The following ALOX5AP variants were observed in gnomAD, a reference collection of about 807,000 sequenced individuals.
The protein encoded by ALOX5AP is arachidonate 5-lipoxygenase activating protein.
In ALOX5AP, 9 loss-of-function variants were observed where a neutral mutation model predicts 18.5. The observed-to-expected ratio is 0.49, with a 90% confidence interval of 0.29 to 0.85. ALOX5AP has a LOEUF of 0.85. Among genes scored for constraint, ALOX5AP ranks in the 40% least tolerant of loss-of-function variants. The pLI, the probability that ALOX5AP is intolerant of heterozygous loss-of-function variation, is 0.08. For synonymous variants in ALOX5AP, 81 were observed against 78.6 expected, an observed-to-expected ratio of 1.03 and a Z score of -0.16; for missense variants, 172 against 202.5, an observed-to-expected ratio of 0.85 and a Z score of 0.91.
intron 3 of ALOX5AP, among the ~76,000 whole-genome samples, chr13:30,753,805 T>A (rs1277522288): frequency 3.9e-5 from 6 of 152,168 alleles, no homozygotes; most frequent in African/African-American, 1.4e-4. Context: ...CCACCCATAA[T>A]CTCTGTTAGC....
At chr13:30,718,484 C>T (rs1022941053) in intron 1 of ALOX5AP, among the ~76,000 whole-genome samples, 1 of 151,628 alleles carries the variant, frequency 6.6e-6, no homozygotes, top group African/African-American at 2.4e-5. Flanking sequence ...CCCACCCTTG[C>T]CCCCTTCCTC....
intron 4 of ALOX5AP, among the ~76,000 whole-genome samples, chr13:30,763,046 G>C (rs1336290487): frequency 2.0e-5 from 3 of 152,170 alleles, no homozygotes; most frequent in Non-Finnish European, 4.4e-5. Context: ...GGTGGTTTAC[G>C]CCTATAATCC....
Position 30,764,136 on chromosome 13 carries a change from C to T in ALOX5AP, c.*30C>T, listed in dbSNP as rs1354539327. ...CTGCTGAATATGGGGTTGGTGTTCTCATCTAATCAATACCTACAAGTCATC... is the reference window on the plus strand; with the variant it reads ...CTGCTGAATATGGGGTTGGTGTTCTTATCTAATCAATACCTACAAGTCATC... On this transcript the variant is annotated 3_prime_UTR_variant, in exon 5 of 5. Transcript: ENST00000380490. The T allele has an allele frequency of 1.9e-6, 3 of 1,602,862 alleles. No individual in the cohort carries two copies. Among genetic ancestry groups the T allele is most frequent in the Non-Finnish European group, 2.6e-6 (3 of 1,172,662 alleles).
chr13:30,732,952 G>A (rs1287640941), upstream of ALOX5AP, among the ~76,000 whole-genome samples: 1 of 151,940 alleles, frequency 6.6e-6, no homozygotes, highest in African/African-American at 2.4e-5. Context: ...TCAGGAGATC[G>A]AGACCATCCC....
chr13:30,719,035 C>T (rs1246598848), intron 1 of ALOX5AP, among the ~76,000 whole-genome samples: 1 of 152,210 alleles, frequency 6.6e-6, no homozygotes, highest in Non-Finnish European at 1.5e-5. Flanking sequence ...CAGCGCAGTG[C>T]AGGCTGTGGT....
intron 1 of ALOX5AP, among the ~76,000 whole-genome samples, chr13:30,718,249 G>A (rs1319949866): frequency 2.6e-5 from 4 of 151,930 alleles, no homozygotes; most frequent in African/African-American, 9.7e-5. Context: ...GTGAGCCACT[G>A]CATCTGGCCA....
chr13:30,727,602 T>C (rs1392340026), intron 1 of ALOX5AP, among the ~76,000 whole-genome samples: 1 of 152,146 alleles, frequency 6.6e-6, no homozygotes, highest in Admixed American at 6.6e-5. Flanking sequence ...TGTGGCTCTG[T>C]CTCACATTGT....
At chr13:30,763,022 T>C (rs960851593) in intron 4 of ALOX5AP, among the ~76,000 whole-genome samples, 1 of 152,052 alleles carries the variant, frequency 6.6e-6, no homozygotes, top group African/African-American at 2.4e-5. Flanking sequence ...TTAAAACATG[T>C]CTCCGCTAGG....
chr13:30,739,084 A>AC (rs1355067444), intron 1 of ALOX5AP, among the ~76,000 whole-genome samples: 3 of 145,820 alleles, frequency 2.1e-5, no homozygotes, highest in African/African-American at 7.6e-5. Context: ...ACCCCCAACC[A>AC]CCCCCCTCCA....
intron 1 of ALOX5AP, among the ~76,000 whole-genome samples, chr13:30,714,976 T>C (rs952743181): frequency 6.6e-6 from 1 of 152,302 alleles, no homozygotes; most frequent in African/African-American, 2.4e-5. Flanking sequence ...GGGTCATCTC[T>C]CTGGCCAGAT....
At chr13:30,763,283 G>A (rs1287285667) in intron 4 of ALOX5AP, among the ~76,000 whole-genome samples, 1 of 152,190 alleles carries the variant, frequency 6.6e-6, no homozygotes, top group Non-Finnish European at 1.5e-5. Context: ...ACTCCAGCTT[G>A]GGCTACAGAG....
intron 1 of ALOX5AP, among the ~76,000 whole-genome samples, chr13:30,736,156 T>C (rs1379296351): frequency 6.6e-6 from 1 of 152,228 alleles, no homozygotes; most frequent in Non-Finnish European, 1.5e-5. Flanking sequence ...ATCATCTTAT[T>C]ATTTTTCCTC....
intron 1 of ALOX5AP, among the ~76,000 whole-genome samples, chr13:30,721,332 G>A (rs4769867): frequency 0.94 from 143,805 of 152,212 alleles, 68,473 homozygotes; most frequent in East Asian, 1. Context: ...CTTCAGCAAC[G>A]TTCCCAAATG....
rs536444529 is a variant in ALOX5AP at position 30,740,522 on chromosome 13, T to G, written c.71-3538T>G. 5.3e-5 allele frequency among the ~76,000 whole-genome samples: 8 copies of G among 152,248 alleles called. No homozygotes were observed. In the South Asian group the frequency reaches 1.4e-3, roughly 28 times the overall value. On this transcript the variant is annotated intron_variant, in intron 1 of 4. Coordinates refer to ENST00000380490, the MANE Select transcript of ALOX5AP (RefSeq NM_001629.4). ...ACTGTTAGCAGCTAGCCGAGATAAG[T>G]GTGTTTATGGTCTTTGCATGTATTG...
rs562707015 is a variant in ALOX5AP, at chr13:30,753,626, T to G, written c.241+1504T>G. On this transcript the variant is annotated intron_variant, in intron 3 of 4. Coordinates refer to ENST00000380490, the MANE Select transcript of ALOX5AP (RefSeq NM_001629.4). ...AAAGGAAACCCAAAGATAATTCTAG[T>G]GCAAATCCCTCACTTTATAGAGCAG... is the stretch of plus-strand genomic sequence containing the variant. Among the ~76,000 whole-genome samples, 5 of 152,332 alleles carry G rather than the reference T, an allele frequency of 3.3e-5. No individual in the cohort carries two copies. In the East Asian group the frequency reaches 9.6e-4, roughly 29 times the overall value.
chr13:30,744,385 G>C, intron 2 of ALOX5AP: 1 of 467,536 alleles, frequency 2.1e-6, no homozygotes, highest in Non-Finnish European at 3.9e-6. Context: ...GGGCACATTG[G>C]TGGAGGGAGG....
At chr13:30,725,247 C>G (rs1295221658) in intron 1 of ALOX5AP, among the ~76,000 whole-genome samples, 2 of 152,180 alleles carry the variant, frequency 1.3e-5, no homozygotes, top group African/African-American at 2.4e-5. Context: ...GACAAGGAGT[C>G]CTGGGGAAGA....
At chr13:30,717,339 G>A (rs566764711) in intron 1 of ALOX5AP, among the ~76,000 whole-genome samples, 3 of 152,282 alleles carry the variant, frequency 2.0e-5, no homozygotes, top group Non-Finnish European at 2.9e-5. Context: ...AGACTTCTGC[G>A]AGCAAAGGTG....
At chr13:30,724,896 C>T (rs1435637513) in intron 1 of ALOX5AP, among the ~76,000 whole-genome samples, 4 of 152,186 alleles carry the variant, frequency 2.6e-5, no homozygotes, top group African/African-American at 7.2e-5. Flanking sequence ...AGTACTGTTG[C>T]CAAGTTGACT....
Sources: gnomAD v4.1 joint callset for allele counts (sites outside exome capture counted in the v4.1 genomes callset) on GRCh38, gnomAD v4.1.1 for gene constraint, MANE v1.5 for transcripts, NCBI Gene and HGNC (gene_info 2026-07-23, HGNC 2026-07-21) for gene names.